The following CA10 variants were observed in gnomAD, a reference collection of about 807,000 sequenced individuals.
The protein encoded by CA10 is carbonic anhydrase-related protein 10.
In CA10, 14 loss-of-function variants were observed where a neutral mutation model predicts 44.2. The observed-to-expected ratio is 0.32, with a 90% CI of 0.21 to 0.50. The LOEUF (loss-of-function observed/expected upper bound fraction) is 0.50. Ranked by LOEUF, CA10 falls within the 20% of genes least tolerant of loss-of-function variation. CA10 has a pLI of 0.99. For synonymous variants in CA10, 159 were observed against 141.6 expected (o/e 1.12, Z -0.87); for missense variants, 350 against 409.7 (o/e 0.85, Z 1.26).
At chr17:52,025,481 G>A (rs570698697) in intron 2 of CA10, among the ~76,000 whole-genome samples, 1 of 152,024 alleles carries the variant, frequency 6.6e-6, no homozygotes, top group Non-Finnish European at 1.5e-5. Context: ...TCCTCATTGT[G>A]GCTCTTGCTG....
At chr17:51,671,947 C>T (rs947229052) in intron 4 of CA10, among the ~76,000 whole-genome samples, 1 of 152,162 alleles carries the variant, frequency 6.6e-6, no homozygotes, top group African/African-American at 2.4e-5. Flanking sequence ...TCCTCCATAG[C>T]CTGTAAGTAG....
intron 1 of CA10, among the ~76,000 whole-genome samples, chr17:52,112,656 A>G (rs1398058874): frequency 8.5e-5 from 13 of 152,212 alleles, no homozygotes; most frequent in Admixed American, 8.5e-4. Context: ...CTTAGGGTTG[A>G]TAGGAAGATT....
chr17:51,697,149 C>T (rs910679245), intron 4 of CA10, among the ~76,000 whole-genome samples: 4 of 151,658 alleles, frequency 2.6e-5, no homozygotes, highest in African/African-American at 2.4e-5. Flanking sequence ...TGTACTATCT[C>T]CATGTGGGCA....
intron 1 of CA10, among the ~76,000 whole-genome samples, chr17:52,153,447 C>T (rs369121181): frequency 3.9e-5 from 6 of 152,138 alleles, no homozygotes; most frequent in East Asian, 3.9e-4. Flanking sequence ...AAGAAAAATT[C>T]GCTGATCCCC....
intron 3 of CA10, among the ~76,000 whole-genome samples, chr17:51,759,065 T>A (rs1486902352): frequency 6.6e-6 from 1 of 152,218 alleles, no homozygotes; most frequent in African/African-American, 2.4e-5. Context: ...TTACCTGGGT[T>A]AAAATTCGGC....
At chr17:51,925,436 A>G (rs1029280932) in intron 3 of CA10, among the ~76,000 whole-genome samples, 1 of 152,146 alleles carries the variant, frequency 6.6e-6, no homozygotes, top group Non-Finnish European at 1.5e-5. Context: ...ACAAAAAAAA[A>G]AAAACAACAA....
intron 4 of CA10, among the ~76,000 whole-genome samples, chr17:51,716,516 C>A (rs1245661966): frequency 6.6e-6 from 1 of 152,172 alleles, no homozygotes; most frequent in Non-Finnish European, 1.5e-5. Flanking sequence ...CATTGGCTAA[C>A]TTCTCTGTCC....
chr17:52,060,721 AT>A (rs943134059), intron 2 of CA10, among the ~76,000 whole-genome samples: 2 of 152,088 alleles, frequency 1.3e-5, no homozygotes, highest in Non-Finnish European at 2.9e-5. Flanking sequence ...CCTGTAGTTC[AT>A]TTTTTTCTAG....
intron 6 of CA10, among the ~76,000 whole-genome samples, chr17:51,642,659 T>C (rs73352841): frequency 0.026 from 3,916 of 152,190 alleles, 136 homozygotes; most frequent in African/African-American, 0.072. Context: ...TATTTTTTAT[T>C]TGAGATGGAG....
intron 4 of CA10, among the ~76,000 whole-genome samples, chr17:51,730,318 T>C (rs1239792988): frequency 6.6e-6 from 1 of 152,226 alleles, no homozygotes; most frequent in African/African-American, 2.4e-5. Context: ...TTATTTTGGA[T>C]TAGTCATTCT....
intron 4 of CA10, among the ~76,000 whole-genome samples, chr17:51,729,466 T>G (rs1320232531): frequency 6.6e-6 from 1 of 152,174 alleles, no homozygotes; most frequent in Non-Finnish European, 1.5e-5. Context: ...GCATATGGAC[T>G]TTTCATATGG....
At chr17:51,791,330 A>C (rs1472159792) in intron 3 of CA10, among the ~76,000 whole-genome samples, 2 of 152,220 alleles carry the variant, frequency 1.3e-5, no homozygotes, top group African/African-American at 4.8e-5. Flanking sequence ...TCAAATGATA[A>C]TATAACAAGG....
intron 2 of CA10, among the ~76,000 whole-genome samples, chr17:51,988,233 A>G (rs1984914254): frequency 6.6e-6 from 1 of 152,042 alleles, no homozygotes; most frequent in East Asian, 1.9e-4. Flanking sequence ...AAGTCTGGTT[A>G]AGAGACAGAA....
chr17:51,747,637 C>T lies in CA10; in HGVS notation c.461G>A (p.Gly154Glu). 1 of 1,609,882 alleles carries T rather than the reference C, an allele frequency of 6.2e-7. No individual in the cohort carries two copies. The highest frequency in any genetic ancestry group is 8.5e-7 in the Non-Finnish European group (1 of 1,178,288). Reference sequence around the variant, plus strand: ...TACTTTGACAGACTAACATACCTCCCCAGAGAAGGCCTGTCCATTGAGGAG... The same window carrying T: ...TACTTTGACAGACTAACATACCTCCTCAGAGAAGGCCTGTCCATTGAGGAG... Reference protein sequence around the residue: ...EHLLNGQAFSGEVQLIHYNHE... With the variant: ...EHLLNGQAFSEEVQLIHYNHE... The change falls in exon 4 of 9, where the codon GGG (glycine) becomes GAG (glutamate). Residue 154 changes from glycine to glutamate, a missense_variant. Coordinates refer to ENST00000451037, the MANE Select transcript of CA10 (RefSeq NM_020178.5).
chr17:51,634,230 G>A (rs1223676544), intron 7 of CA10, among the ~76,000 whole-genome samples: 1 of 152,166 alleles, frequency 6.6e-6, no homozygotes, highest in Non-Finnish European at 1.5e-5. Context: ...AGCACTTCTG[G>A]GGTTCCCATT....
At chr17:52,128,820 C>T (rs761883994) in intron 1 of CA10, among the ~76,000 whole-genome samples, 1 of 152,150 alleles carries the variant, frequency 6.6e-6, no homozygotes, top group Non-Finnish European at 1.5e-5. Flanking sequence ...AGCTCAGCTG[C>T]TGAGGGAAAT....
intron 1 of CA10, among the ~76,000 whole-genome samples, chr17:52,137,373 A>G (rs769443767): frequency 1.3e-5 from 2 of 152,216 alleles, no homozygotes; most frequent in African/African-American, 2.4e-5. Context: ...GAATCACTCA[A>G]TAAATATTGA....
chr17:51,846,828 T>A lies in CA10; in HGVS notation c.279+84162A>T, dbSNP rs112509540. Among the ~76,000 whole-genome samples the A allele has an allele frequency of 1.0e-3, 155 of 152,312 alleles. 1 individual carries two copies. The highest frequency in any genetic ancestry group is 3.5e-3 in the African/African-American group (145 of 41,580). On this transcript the variant is annotated intron_variant, in intron 3 of 8. Transcript: ENST00000451037. ...AGATATGTTTTAGAAAAGTACATGA[T>A]GGGAGGCAGGCTCAGCTGTTTTGCG...
intron 3 of CA10, among the ~76,000 whole-genome samples, chr17:51,750,483 A>T (rs1331651986): frequency 6.9e-6 from 1 of 144,700 alleles, no homozygotes; most frequent in East Asian, 2.0e-4. Context: ...CTGATTGTTG[A>T]ATCTTTACAG....
Sources: allele counts gnomAD v4.1 joint callset (sites outside exome capture counted in the v4.1 genomes callset), GRCh38; gene constraint gnomAD v4.1.1; transcripts MANE v1.5; gene names NCBI Gene and HGNC (gene_info 2026-07-23, HGNC 2026-07-21).